The following B3GLCT variants were observed in gnomAD, a reference collection of about 807,000 sequenced individuals.
The protein encoded by B3GLCT is beta 3-glucosyltransferase.
A neutral mutation model predicts 63.4 loss-of-function variants in B3GLCT; 65 were observed. That is an observed-to-expected ratio of 1.03 (90% CI 0.84 to 1.26). The LOEUF (loss-of-function observed/expected upper bound fraction) is 1.26, where lower values mean the gene tolerates loss of function less well. Ranked by LOEUF, B3GLCT falls within the 50% of genes most tolerant of loss-of-function variation. The pLI is 0.00. For missense variants in B3GLCT, 577 were observed against 604.8 expected (o/e 0.95, Z 0.48); for synonymous variants, 233 against 219.2 (o/e 1.06, Z -0.55).
At chr13:31,265,167 C>T (rs539306618) in intron 7 of B3GLCT, among the ~76,000 whole-genome samples, 46 of 152,178 alleles carry the variant, frequency 3.0e-4, no homozygotes, top group South Asian at 8.3e-4. Context: ...AACAGTTGCG[C>T]AGGAATTTCA....
At chr13:31,204,238 T>C (rs1344061731) in intron 1 of B3GLCT, among the ~76,000 whole-genome samples, 1 of 152,176 alleles carries the variant, frequency 6.6e-6, no homozygotes, top group African/African-American at 2.4e-5. Flanking sequence ...GAACGTTTGT[T>C]GCTGTCTGGA....
At chr13:31,326,083 A>C (rs1373471883) in intron 14 of B3GLCT, among the ~76,000 whole-genome samples, 1 of 152,110 alleles carries the variant, frequency 6.6e-6, no homozygotes, top group African/African-American at 2.4e-5. Flanking sequence ...AACTCTGGAA[A>C]TTTCCCGAAA....
chr13:31,257,038 G>A (rs1308980131), intron 6 of B3GLCT, among the ~76,000 whole-genome samples: 2 of 152,190 alleles, frequency 1.3e-5, no homozygotes, highest in Non-Finnish European at 2.9e-5. Context: ...ATTGGGGAGT[G>A]GCTCTATGCA....
intron 8 of B3GLCT, among the ~76,000 whole-genome samples, chr13:31,273,648 T>C (rs565280053): frequency 6.6e-6 from 1 of 152,318 alleles, no homozygotes; most frequent in East Asian, 1.9e-4. Flanking sequence ...TAAGCACCCT[T>C]GTTCCTTTGG....
In B3GLCT at chr13:31,215,110, C is replaced by G. The variant is rs752062750; in HGVS notation, c.120+10C>G. 3.1e-6 allele frequency: 5 copies of G among 1,609,312 alleles called. No individual in the cohort carries two copies. Among genetic ancestry groups the G allele is most frequent in the Middle Eastern group, 1.6e-4 (1 of 6,072 alleles). On this transcript the variant is annotated intron_variant, in intron 2 of 14. Transcript: ENST00000343307. The stretch of plus-strand genomic sequence containing the variant: ...GGTCAAGCAGTCTCAGGTACTAATC[C>G]CAATGATCAAATCTTTTCCTCCCTT...
At chr13:31,217,024 T>C (rs1869598850) in intron 2 of B3GLCT, among the ~76,000 whole-genome samples, 2 of 152,138 alleles carry the variant, frequency 1.3e-5, no homozygotes, top group Admixed American at 1.3e-4. Context: ...GAAAAATCTC[T>C]TTCTGCAGTG....
chr13:31,229,436 A>C, intron 4 of B3GLCT, 142 bp downstream of exon 4: 2 of 702,334 alleles, frequency 2.8e-6, no homozygotes, highest in South Asian at 3.2e-5. Flanking sequence ...TTTAATATTG[A>C]GTATTTGTTG....
At chr13:31,210,875 G>C (rs998677610) in intron 1 of B3GLCT, among the ~76,000 whole-genome samples, 3 of 152,078 alleles carry the variant, frequency 2.0e-5, no homozygotes, top group Non-Finnish European at 4.4e-5. Context: ...CTCCCAAGTA[G>C]CTGGGACTAC....
At chr13:31,321,800 G>T (rs1354532390) in intron 13 of B3GLCT, among the ~76,000 whole-genome samples, 1 of 151,540 alleles carries the variant, frequency 6.6e-6, no homozygotes, top group East Asian at 1.9e-4. Flanking sequence ...CTTACTCCAT[G>T]AAAGTTTTGG....
chr13:31,328,380 A>G (rs1875738034), intron 14 of B3GLCT, among the ~76,000 whole-genome samples: 1 of 152,166 alleles, frequency 6.6e-6, no homozygotes, highest in Admixed American at 6.5e-5. Flanking sequence ...AGTGGCCCAT[A>G]TAAATTAATA....
At chr13:31,301,636 CA>C (rs1343443167) in intron 12 of B3GLCT, among the ~76,000 whole-genome samples, 1 of 152,180 alleles carries the variant, frequency 6.6e-6, no homozygotes, top group African/African-American at 2.4e-5. Flanking sequence ...TTTGGGTCCC[CA>C]GCCTGGAGTC....
intron 12 of B3GLCT, among the ~76,000 whole-genome samples, chr13:31,294,060 T>C (rs1348804485): frequency 6.6e-6 from 1 of 152,208 alleles, no homozygotes; most frequent in Non-Finnish European, 1.5e-5. Context: ...TCTCTTTCGC[T>C]TATGAAGTTT....
intron 1 of B3GLCT, among the ~76,000 whole-genome samples, chr13:31,207,421 T>A (rs1869017012): frequency 1.3e-5 from 2 of 152,166 alleles, no homozygotes; most frequent in African/African-American, 2.4e-5. Context: ...GGGTTTTAAA[T>A]CTCACCCCCA....
chr13:31,257,083 C>G (rs911314966), intron 6 of B3GLCT, among the ~76,000 whole-genome samples: 6 of 152,006 alleles, frequency 3.9e-5, no homozygotes, highest in Non-Finnish European at 5.9e-5. Context: ...AAGTAGTTTA[C>G]AGTATAACCC....
At chr13:31,210,202 A>G (rs946968693) in intron 1 of B3GLCT, among the ~76,000 whole-genome samples, 1 of 152,164 alleles carries the variant, frequency 6.6e-6, no homozygotes, top group East Asian at 1.9e-4. Context: ...GCCTGCCCTG[A>G]TTTGCACTTT....
intron 9 of B3GLCT, among the ~76,000 whole-genome samples, chr13:31,275,164 T>C (rs770479971): frequency 2.6e-5 from 4 of 152,254 alleles, no homozygotes; most frequent in Non-Finnish European, 5.9e-5. Context: ...ACTAGCACTT[T>C]ACATACTAAA....
At chr13:31,239,453 T>A (rs1593265832) in intron 4 of B3GLCT, among the ~76,000 whole-genome samples, 1 of 152,194 alleles carries the variant, frequency 6.6e-6, no homozygotes, top group East Asian at 1.9e-4. Context: ...ATCACCTGTT[T>A]GAGTTTATTT....
At chr13:31,324,379 A>C (rs1393074642) in intron 14 of B3GLCT, among the ~76,000 whole-genome samples, 1 of 152,186 alleles carries the variant, frequency 6.6e-6, no homozygotes, top group Admixed American at 6.5e-5. Context: ...ATTAAGTTGC[A>C]AATGGGTATC....
rs539279444 is a variant in B3GLCT at position 31,323,926 on chromosome 13, G to T, written c.1329+31G>T. The T allele has an allele frequency of 1.9e-6, 3 of 1,610,462 alleles. No homozygotes were observed. In the African/African-American group the frequency reaches 4.0e-5, roughly 21 times the overall value. Reference sequence around the variant, plus strand: ...GAAATGGTTTTTATTCTTCCCTCATGGCAGGTGAGGGACAGATTCTTCTCA... The same window carrying T: ...GAAATGGTTTTTATTCTTCCCTCATTGCAGGTGAGGGACAGATTCTTCTCA... On this transcript the variant is annotated intron_variant, in intron 14 of 14. Coordinates refer to ENST00000343307, the MANE Select transcript of B3GLCT (RefSeq NM_194318.4).
Sources: gnomAD v4.1 joint callset for allele counts (sites outside exome capture counted in the v4.1 genomes callset) on GRCh38, gnomAD v4.1.1 for gene constraint, MANE v1.5 for transcripts, NCBI Gene and HGNC (gene_info 2026-07-23, HGNC 2026-07-21) for gene names.